The following DACH2 variants were observed in gnomAD, a reference collection of about 807,000 sequenced individuals.
DACH2 encodes dachshund homolog 2.
In DACH2, 17 loss-of-function variants were observed where a neutral mutation model predicts 35.8. The ratio of observed to expected loss-of-function variants is 0.48; its 90% CI spans 0.33 to 0.71. The LOEUF is 0.71. DACH2 is among the 30% of genes least tolerant of loss of function. The pLI, the probability that DACH2 is intolerant of heterozygous loss-of-function variation, is 0.02. For missense variants in DACH2, 469 were observed against 472.7 expected, an observed-to-expected ratio of 0.99 and a Z score of 0.07; for synonymous variants, 195 against 177.3, an observed-to-expected ratio of 1.10 and a Z score of -0.79.
intron 3 of DACH2, among the ~76,000 whole-genome samples, chrX:86,603,086 G>A (rs1034640058): frequency 9.0e-6 from 1 of 111,465 alleles, no homozygotes; most frequent in African/African-American, 3.3e-5. Context: ...TGTCAGCTGA[G>A]TTGGTTCCTT....
intron 1 of DACH2, among the ~76,000 whole-genome samples, chrX:86,152,701 T>A (rs2030407495): frequency 8.9e-6 from 1 of 111,820 alleles, no homozygotes; most frequent in Admixed American, 9.5e-5. Context: ...GACTGTTAAC[T>A]TCCAAAATTA....
chrX:86,625,399 TC>T (rs762623687), intron 3 of DACH2, among the ~76,000 whole-genome samples: 4 of 111,215 alleles, frequency 3.6e-5, no homozygotes, highest in African/African-American at 1.3e-4. Context: ...ATCAGAATTT[TC>T]CTTTGCACCT....
chrX:86,289,500 C>G (rs1038409293), intron 1 of DACH2, among the ~76,000 whole-genome samples: 6 of 107,369 alleles, frequency 5.6e-5, no homozygotes, highest in Admixed American at 5.1e-4. Flanking sequence ...ATACATGTGA[C>G]AAGCTGGTGC....
intron 1 of DACH2, among the ~76,000 whole-genome samples, chrX:86,308,296 T>C (rs2034729391): frequency 8.9e-6 from 1 of 112,617 alleles, no homozygotes; most frequent in Non-Finnish European, 1.9e-5. Context: ...TTAAATACAA[T>C]GGGAATAATT....
At chrX:86,825,864 C>T (rs967892717) in intron 11 of DACH2, among the ~76,000 whole-genome samples, 3 of 111,866 alleles carry the variant, frequency 2.7e-5, no homozygotes, top group South Asian at 3.7e-4. Context: ...GTTACTAACT[C>T]GCTAACTCAG....
chrX:86,235,776 G>GA (rs1421101491), intron 1 of DACH2, among the ~76,000 whole-genome samples: 3 of 111,753 alleles, frequency 2.7e-5, no homozygotes, highest in African/African-American at 9.8e-5. Flanking sequence ...TTATGTATCT[G>GA]AAAATCTTCC....
intron 2 of DACH2, among the ~76,000 whole-genome samples, chrX:86,455,384 C>A (rs1433828811): frequency 9.0e-6 from 1 of 111,656 alleles, no homozygotes; most frequent in Non-Finnish European, 1.9e-5. Flanking sequence ...CAAAATAGAA[C>A]AGCTGAGTTC....
At chrX:86,380,735 A>G (rs931608226) in intron 2 of DACH2, among the ~76,000 whole-genome samples, 5 of 110,291 alleles carry the variant, frequency 4.5e-5, no homozygotes, top group African/African-American at 1.6e-4. Context: ...CTAATCCTAA[A>G]ATCAGTGTGT....
intron 3 of DACH2, among the ~76,000 whole-genome samples, chrX:86,547,861 G>T (rs925756927): frequency 8.9e-6 from 1 of 112,097 alleles, no homozygotes; most frequent in Admixed American, 9.5e-5. Flanking sequence ...TTCTGCACAT[G>T]TATGCAGAAA....
intron 3 of DACH2, among the ~76,000 whole-genome samples, chrX:86,632,650 A>G (rs1193424093): frequency 9.0e-6 from 1 of 111,196 alleles, no homozygotes. Flanking sequence ...CACTTCAGAG[A>G]ATGAAGTTGG....
chrX:86,235,107 G>A (rs1221814069), intron 1 of DACH2, among the ~76,000 whole-genome samples: 3 of 111,057 alleles, frequency 2.7e-5, no homozygotes, highest in Non-Finnish European at 5.7e-5. Context: ...ACAGTTTTGA[G>A]TACTGGTCAG....
chrX:86,374,514 C>T (rs2035935286), intron 1 of DACH2, among the ~76,000 whole-genome samples: 2 of 110,409 alleles, frequency 1.8e-5, no homozygotes, highest in Admixed American at 1.9e-4. Context: ...TGCTTACCAC[C>T]ATATGTTGTA....
At chrX:86,178,984 T>C (rs1331485534) in intron 1 of DACH2, among the ~76,000 whole-genome samples, 2 of 112,103 alleles carry the variant, frequency 1.8e-5, no homozygotes, top group Non-Finnish European at 3.8e-5. Flanking sequence ...CTTCATTTTC[T>C]AGGAAATTCT....
chrX:86,403,104 C>T (rs2036463655), intron 2 of DACH2, among the ~76,000 whole-genome samples: 1 of 112,223 alleles, frequency 8.9e-6, no homozygotes, highest in Non-Finnish European at 1.9e-5. Context: ...CTAGGAAATA[C>T]ATTTCTTAAC....
intron 2 of DACH2, among the ~76,000 whole-genome samples, chrX:86,495,340 G>A (rs755966035): frequency 1.8e-3 from 198 of 109,757 alleles, no homozygotes; most frequent in Admixed American, 3.5e-3. Context: ...TTACAGAGGT[G>A]AGCCACTGCA....
intron 3 of DACH2, among the ~76,000 whole-genome samples, chrX:86,584,937 A>G (rs2039550072): frequency 9.0e-6 from 1 of 111,240 alleles, no homozygotes; most frequent in Admixed American, 9.6e-5. Context: ...TAATTCATTT[A>G]GAAGGCCTCC....
At position 86,364,668 on chromosome X, in the gene DACH2, A is replaced by G. The variant is rs183666774; in HGVS notation, c.489-12156A>G. Among the ~76,000 whole-genome samples the G allele has an allele frequency of 3.0e-3, 336 of 111,835 alleles. 1 individual carries two copies. The highest frequency in any genetic ancestry group is 0.01 in the African/African-American group (320 of 30,843). On this transcript the variant is annotated intron_variant, in intron 1 of 11. Transcript: ENST00000373125. Reference sequence around the variant, plus strand: ...ATCATCTCCATTAGCAGTAATTAATATTCACACAACAGGAAAGAGGAAGAC... The same window carrying G: ...ATCATCTCCATTAGCAGTAATTAATGTTCACACAACAGGAAAGAGGAAGAC...
rs1163193276 is a variant in DACH2 at position 86,627,369 on chromosome X, T to C, written c.641-23667T>C. On this transcript the variant is annotated intron_variant, in intron 3 of 11. Transcript: ENST00000373125. The stretch of plus-strand genomic sequence containing the variant: ...TTTTATTGTATCTATTTATATGATA[T>C]CCATCTTTTCTTGTCACATAACAAT... Among the ~76,000 whole-genome samples the C allele has an allele frequency of 2.7e-5, 3 of 112,045 alleles. No individual in the cohort carries two copies. The East Asian group carries it at 8.4e-4, about 31-fold the overall frequency.
chrX:86,762,013 A>G (rs190968254), intron 7 of DACH2, among the ~76,000 whole-genome samples: 61 of 111,033 alleles, frequency 5.5e-4, no homozygotes, highest in Admixed American at 2.1e-3. Flanking sequence ...AGGGGTGATT[A>G]TCTACCCACT....
Sources: allele counts gnomAD v4.1 joint callset (sites outside exome capture counted in the v4.1 genomes callset), GRCh38; gene constraint gnomAD v4.1.1; transcripts MANE v1.5; gene names NCBI Gene and HGNC (gene_info 2026-07-23, HGNC 2026-07-21).